The following ARHGEF7 variants were observed in gnomAD, a reference collection of about 807,000 sequenced individuals.
The protein encoded by ARHGEF7 is PAK-interacting exchange factor beta.
Under a neutral mutation model 109.8 loss-of-function variants are expected in ARHGEF7, and 33 were observed. The ratio of observed to expected loss-of-function variants is 0.30; its 90% CI spans 0.23 to 0.40. The LOEUF (loss-of-function observed/expected upper bound fraction) is 0.40, where lower values mean the gene tolerates loss of function less well. Ranked by LOEUF, ARHGEF7 falls within the 10% of genes least tolerant of loss-of-function variation. The pLI is 1.00. For missense variants in ARHGEF7, 938 were observed against 1,098.5 expected (o/e 0.85, Z 2.07); for synonymous variants, 458 against 424.6 (o/e 1.08, Z -0.97).
rs1009251621 is a variant in ARHGEF7, at chr13:111,290,140, T to A, written c.2134+1697T>A. On this transcript the variant is annotated intron_variant, in intron 18 of 21. Coordinates refer to ENST00000646102, the MANE Select transcript of ARHGEF7 (RefSeq NM_001354046.2). ...AAATTTTTGGATTTTGAATTTGAGA[T>A]TTTTTTGTCATCTCAATTTCAGTTA... 5.3e-4 allele frequency among the ~76,000 whole-genome samples: 81 copies of A among 152,180 alleles called. 7 individuals carry two copies. The highest frequency in any genetic ancestry group is 3.2e-3 in the Middle Eastern group (1 of 316).
At chr13:111,221,186 T>TA (rs1491182342) in intron 5 of ARHGEF7, among the ~76,000 whole-genome samples, 5 of 74,462 alleles carry the variant, frequency 6.7e-5, no homozygotes, top group South Asian at 4.7e-4. Context: ...TAGATATATA[T>TA]GTCTATATAT....
intron 9 of ARHGEF7, among the ~76,000 whole-genome samples, chr13:111,271,404 A>G (rs1030771993): frequency 6.6e-6 from 1 of 152,194 alleles, no homozygotes; most frequent in African/African-American, 2.4e-5. Context: ...TAGAAATGAT[A>G]GGAACACATG....
chr13:111,180,365 C>T (rs1031729241), intron 2 of ARHGEF7, among the ~76,000 whole-genome samples: 19 of 152,158 alleles, frequency 1.2e-4, no homozygotes, highest in African/African-American at 4.6e-4. Context: ...ATGTGAGCTT[C>T]AGGAGTGAAT....
intron 19 of ARHGEF7, among the ~76,000 whole-genome samples, chr13:111,295,613 A>T (rs2093410803): frequency 6.6e-6 from 1 of 152,222 alleles, no homozygotes; most frequent in South Asian, 2.1e-4. Flanking sequence ...AAAGGAAACG[A>T]AGTACCTGGT....
At chr13:111,225,409 C>T (rs1423212891) in intron 5 of ARHGEF7, among the ~76,000 whole-genome samples, 1 of 152,160 alleles carries the variant, frequency 6.6e-6, no homozygotes, top group Non-Finnish European at 1.5e-5. Context: ...CACCTCCTCT[C>T]CTCTCCTACG....
chr13:111,218,334 C>T (rs2083390223), intron 5 of ARHGEF7, among the ~76,000 whole-genome samples: 1 of 152,058 alleles, frequency 6.6e-6, no homozygotes, highest in South Asian at 2.1e-4. Flanking sequence ...GCATTGCTTC[C>T]TTATGTTTTG....
chr13:111,186,001 TG>T (rs2079214256), intron 2 of ARHGEF7, among the ~76,000 whole-genome samples: 2 of 149,138 alleles, frequency 1.3e-5, no homozygotes, highest in African/African-American at 2.5e-5. Flanking sequence ...TGTGTGTGTG[TG>T]TGTTTTCGTT....
chr13:111,243,176 T>A (rs1427644554), intron 6 of ARHGEF7, among the ~76,000 whole-genome samples: 1 of 152,212 alleles, frequency 6.6e-6, no homozygotes, highest in Non-Finnish European at 1.5e-5. Context: ...AGGGAAAGTC[T>A]GTAGTTCCCA....
At chr13:111,173,206 G>A (rs964912126) in intron 2 of ARHGEF7, among the ~76,000 whole-genome samples, 3 of 152,158 alleles carry the variant, frequency 2.0e-5, no homozygotes, top group Admixed American at 6.5e-5. Flanking sequence ...AGCATGTTGC[G>A]TTTCTGGGCA....
At position 111,277,547 on chromosome 13, in the gene ARHGEF7, GT is replaced by G; in HGVS notation, c.1420-34del. The G allele has an allele frequency of 2.3e-6, 3 of 1,322,592 alleles. 1 individual carries two copies. The highest frequency in any genetic ancestry group is 3.3e-6 in the Non-Finnish European group (3 of 922,048). The allele number at this position is 1,322,592 out of a possible 1,614,324, so 81.9% of individuals were successfully genotyped here. A position where few individuals can be genotyped will look rare whatever the true frequency, so the allele number is the denominator to read the frequency against. ...TTGTGCTCACATTTGTTAAGTAGATGTTTTTTAAGAAATGTTTTGGATTTCT... is the reference window on the plus strand; with the variant it reads ...TTGTGCTCACATTTGTTAAGTAGATGTTTTTAAGAAATGTTTTGGATTTCT... On this transcript the variant is annotated intron_variant, in intron 12 of 21. Coordinates refer to ENST00000646102, the MANE Select transcript of ARHGEF7 (RefSeq NM_001354046.2).
At chr13:111,123,269 G>A (rs1009259019) in intron 1 of ARHGEF7, among the ~76,000 whole-genome samples, 1 of 152,182 alleles carries the variant, frequency 6.6e-6, no homozygotes, top group African/African-American at 2.4e-5. Flanking sequence ...CTTGGGTGCT[G>A]GTGGGGTGTG....
At position 111,258,326 on chromosome 13, in the gene ARHGEF7, T is replaced by C. The variant is rs1166014407; in HGVS notation, c.951-9222T>C. Reference sequence around the variant, plus strand: ...TCCCACAACCACAGGCAGTGCAGCCTGCACCTCCAGGAGAGACTCCTTCCT... The same window carrying C: ...TCCCACAACCACAGGCAGTGCAGCCCGCACCTCCAGGAGAGACTCCTTCCT... On this transcript the variant is annotated intron_variant, in intron 8 of 21. Coordinates refer to ENST00000646102, the MANE Select transcript of ARHGEF7 (RefSeq NM_001354046.2). This position sits in a 1 kb window ranked among gnomAD's most constrained non-coding sequence, Gnocchi z 4.4. Among the ~76,000 whole-genome samples, 1 of 152,222 alleles carries C rather than the reference T, an allele frequency of 6.6e-6. No homozygotes were observed. Among genetic ancestry groups the C allele is most frequent in the Non-Finnish European group, 1.5e-5 (1 of 68,040 alleles).
In ARHGEF7 at chr13:111,259,141, C is replaced by T. The variant is rs534523781; in HGVS notation, c.951-8407C>T. The stretch of plus-strand genomic sequence containing the variant: ...CGCAGATGGCATCTCTAGACCTGCC[C>T]GGAGCCAAGGAGAACTCACCGTCCT... On this transcript the variant is annotated intron_variant, in intron 8 of 21. Coordinates refer to ENST00000646102, the MANE Select transcript of ARHGEF7 (RefSeq NM_001354046.2). 3.7e-4 allele frequency among the ~76,000 whole-genome samples: 56 copies of T among 152,288 alleles called. 1 individual carries two copies. Among genetic ancestry groups the T allele is most frequent in the African/African-American group, 1.3e-3 (53 of 41,550 alleles).
chr13:111,186,005 T>TGTGTGTGTGTGTGTGTG (rs1566745669), intron 2 of ARHGEF7, among the ~76,000 whole-genome samples: 4 of 148,658 alleles, frequency 2.7e-5, no homozygotes, highest in Non-Finnish European at 6.0e-5. Flanking sequence ...TGTGTGTGTG[T>TGTGTGTGTGTGTGTGTG]TTTCGTTTTC....
intron 4 of ARHGEF7, among the ~76,000 whole-genome samples, chr13:111,212,107 GT>G (rs1199229177): frequency 2.0e-5 from 3 of 152,162 alleles, no homozygotes; most frequent in Non-Finnish European, 4.4e-5. Flanking sequence ...TTATAAGCTT[GT>G]TTTTCATCTG....
intron 6 of ARHGEF7, among the ~76,000 whole-genome samples, chr13:111,236,272 T>C (rs1283148327): frequency 1.3e-5 from 2 of 152,266 alleles, no homozygotes; most frequent in Non-Finnish European, 2.9e-5. Flanking sequence ...TTTGGACATA[T>C]TTATAACAGC....
At chr13:111,183,647 C>A (rs902633678) in intron 2 of ARHGEF7, among the ~76,000 whole-genome samples, 1 of 152,114 alleles carries the variant, frequency 6.6e-6, no homozygotes, top group Non-Finnish European at 1.5e-5. Flanking sequence ...TACCTATAAA[C>A]CCTCTTCTAA....
rs1394792907 is a variant in ARHGEF7, at chr13:111,304,181, C to T, written c.*1068C>T. ...TTCAGCAAGAATAAAGCAATATACA[C>T]CTTAGGTTCCACTAAGTAACATAGG... On this transcript the variant is annotated 3_prime_UTR_variant, in exon 22 of 22. Coordinates refer to ENST00000646102, the MANE Select transcript of ARHGEF7 (RefSeq NM_001354046.2). The T allele has an allele frequency of 6.6e-6, 1 of 152,222 alleles. No individual in the cohort carries two copies. Among genetic ancestry groups the T allele is most frequent in the Admixed American group, 6.5e-5 (1 of 15,286 alleles). 9.4% of individuals were successfully genotyped at this position (152,222 alleles called of 1,614,324 possible). A position where few individuals can be genotyped will look rare whatever the true frequency, so the allele number is the denominator to read the frequency against.
chr13:111,283,237 C>T lies in ARHGEF7; in HGVS notation c.1824C>T (p.His608=), dbSNP rs368044764. Residue 608 remains histidine (H), a synonymous_variant, in exon 16 of 22, where the codon CAC becomes CAT. Coordinates refer to ENST00000646102, the MANE Select transcript of ARHGEF7 (RefSeq NM_001354046.2). ...AYHTLPHPSH[H]GTPHTTINWG... is the part of the protein sequence containing the mutation. ...ACACGCTGCCCCACCCCTCCCACCACGGCACCCCGCACACCACCATCAACT... is the reference window on the plus strand; with the variant it reads ...ACACGCTGCCCCACCCCTCCCACCATGGCACCCCGCACACCACCATCAACT... The T allele has an allele frequency of 2.3e-5, 37 of 1,588,354 alleles. 1 individual carries two copies. The East Asian group carries it at 2.5e-4, about 11-fold the overall frequency.
Sources: gnomAD v4.1 joint callset for allele counts (sites outside exome capture counted in the v4.1 genomes callset) on GRCh38, gnomAD v4.1.1 for gene constraint, Gnocchi (gnomAD v3.1) non-coding constraint, MANE v1.5 for transcripts, NCBI Gene and HGNC (gene_info 2026-07-23, HGNC 2026-07-21) for gene names.